HHAT: variants seen among roughly 807,000 people sequenced by gnomAD.
The protein encoded by HHAT is hedgehog acyltransferase.
Under a neutral mutation model 70.8 loss-of-function variants are expected in HHAT, and 47 were observed. The ratio of observed to expected loss-of-function variants is 0.66; its 90% CI spans 0.53 to 0.85. The LOEUF (loss-of-function observed/expected upper bound fraction) is 0.85. Ranked by LOEUF, HHAT falls within the 40% of genes least tolerant of loss-of-function variation. The pLI is 0.00. For synonymous variants in HHAT, 228 were observed against 247.6 expected (o/e 0.92, Z 0.74); for missense variants, 609 against 604.8 (o/e 1.01, Z -0.07).
chr1:210,558,485 T>C (rs979327206), intron 9 of HHAT, among the ~76,000 whole-genome samples: 2 of 152,176 alleles, frequency 1.3e-5, no homozygotes, highest in Non-Finnish European at 2.9e-5. Flanking sequence ...TTGGGTCTTA[T>C]CTGTTTGTGT....
At chr1:210,656,472 A>G (rs1676443770) in intron 11 of HHAT, among the ~76,000 whole-genome samples, 1 of 152,098 alleles carries the variant, frequency 6.6e-6, no homozygotes, top group South Asian at 2.1e-4. Context: ...AGCAGCAGTG[A>G]TCATGGCTCC....
At chr1:210,406,740 G>T (rs760350236) in intron 6 of HHAT, among the ~76,000 whole-genome samples, 2 of 152,032 alleles carry the variant, frequency 1.3e-5, no homozygotes, top group Non-Finnish European at 2.9e-5. Flanking sequence ...CCTCTAGCAG[G>T]GTCCTGTGTC....
chr1:210,616,749 T>G (rs540118553), intron 10 of HHAT, among the ~76,000 whole-genome samples: 1 of 152,240 alleles, frequency 6.6e-6, no homozygotes, highest in African/African-American at 2.4e-5. Flanking sequence ...TGTGAATTCT[T>G]GCACTGCACT....
intron 10 of HHAT, among the ~76,000 whole-genome samples, chr1:210,598,879 T>G (rs192546492): frequency 6.6e-6 from 1 of 152,370 alleles, no homozygotes; most frequent in African/African-American, 2.4e-5. Context: ...GAATGATTGG[T>G]GAAGGCTTCT....
intron 4 of HHAT, among the ~76,000 whole-genome samples, chr1:210,391,901 AT>A (rs2148161641): frequency 6.6e-6 from 1 of 151,880 alleles, no homozygotes; most frequent in South Asian, 2.1e-4. Context: ...ACAGGATCTC[AT>A]TGTGTTGCCC....
At chr1:210,461,329 T>A (rs147972464) in intron 7 of HHAT, among the ~76,000 whole-genome samples, 1 of 151,776 alleles carries the variant, frequency 6.6e-6, no homozygotes, top group East Asian at 2.0e-4. Context: ...AGACAGAGTC[T>A]CACCCTGTCA....
chr1:210,444,793 C>T (rs961801560), intron 7 of HHAT, among the ~76,000 whole-genome samples: 11 of 152,110 alleles, frequency 7.2e-5, no homozygotes, highest in South Asian at 2.1e-4. Context: ...AGTTTACAGA[C>T]GTGAACCACC....
chr1:210,584,708 C>G (rs1171025798), intron 9 of HHAT, among the ~76,000 whole-genome samples: 1 of 152,202 alleles, frequency 6.6e-6, no homozygotes, highest in Admixed American at 6.5e-5. Flanking sequence ...GAGCCTTCGC[C>G]CTTCAGCCTC....
At chr1:210,669,950 C>T (rs1219137136) in intron 11 of HHAT, among the ~76,000 whole-genome samples, 2 of 151,732 alleles carry the variant, frequency 1.3e-5, no homozygotes, top group East Asian at 3.9e-4. Flanking sequence ...TTGGGAGTCT[C>T]ACTCCTGGTG....
rs57677155 is a variant in HHAT at position 210,585,649 on chromosome 1, C to T, written c.1044-2249C>T. Among the ~76,000 whole-genome samples the T allele has an allele frequency of 1.3e-3, 197 of 152,186 alleles. 1 individual carries two copies. Among genetic ancestry groups the T allele is most frequent in the African/African-American group, 3.9e-3 (162 of 41,520 alleles). ...AGCCAGGCTGGTCTCGAACTCCTGACCTCAGGTGATCCACCCGCCTCAGCC... is the reference window on the plus strand; with the variant it reads ...AGCCAGGCTGGTCTCGAACTCCTGATCTCAGGTGATCCACCCGCCTCAGCC... On this transcript the variant is annotated intron_variant, in intron 9 of 11. Transcript: ENST00000261458.
At chr1:210,333,905 C>A (rs1360560048) in intron 1 of HHAT, among the ~76,000 whole-genome samples, 1 of 152,076 alleles carries the variant, frequency 6.6e-6, no homozygotes, top group Admixed American at 6.5e-5. Flanking sequence ...GATCTGCCCA[C>A]CTTGGCCTCC....
At chr1:210,535,507 A>G (rs982101342) in intron 9 of HHAT, among the ~76,000 whole-genome samples, 10 of 151,954 alleles carry the variant, frequency 6.6e-5, no homozygotes, top group African/African-American at 2.2e-4. Context: ...TTCTCTGGAC[A>G]TTGGCTAGAA....
At chr1:210,327,600 G>T (rs988942190), upstream of HHAT, among the ~76,000 whole-genome samples, 1 of 152,056 alleles carries the variant, frequency 6.6e-6, no homozygotes, top group African/African-American at 2.4e-5. Flanking sequence ...CTGCCGCCCG[G>T]GTTCAAGCGA....
chr1:210,519,312 T>C (rs1324959919), intron 9 of HHAT, among the ~76,000 whole-genome samples: 2 of 152,190 alleles, frequency 1.3e-5, no homozygotes, highest in Non-Finnish European at 2.9e-5. Context: ...GCAGTAAACA[T>C]GGGAGTGCAG....
chr1:210,525,982 G>T (rs1013883769), intron 9 of HHAT, among the ~76,000 whole-genome samples: 1 of 152,160 alleles, frequency 6.6e-6, no homozygotes, highest in East Asian at 1.9e-4. Context: ...TGCCTTATGC[G>T]GTTGCTGCAT....
At chr1:210,411,467 G>A (rs1188904923) in intron 6 of HHAT, among the ~76,000 whole-genome samples, 1 of 152,148 alleles carries the variant, frequency 6.6e-6, no homozygotes. Flanking sequence ...CCAAGAGTTT[G>A]AGCAGGTTGG....
At chr1:210,327,576 G>A (rs551609951), upstream of HHAT, among the ~76,000 whole-genome samples, 432 of 152,260 alleles carry the variant, frequency 2.8e-3, 3 homozygotes, top group African/African-American at 0.01. Context: ...TGCGATCTGA[G>A]CTCACTGCAA....
chr1:210,563,133 A>G (rs2095639483), intron 9 of HHAT, among the ~76,000 whole-genome samples: 1 of 152,030 alleles, frequency 6.6e-6, no homozygotes, highest in Non-Finnish European at 1.5e-5. Flanking sequence ...CTTGGTTTTA[A>G]TGCTTCTGGG....
At chr1:210,462,067 G>A (rs1257201411) in intron 7 of HHAT, among the ~76,000 whole-genome samples, 1 of 152,206 alleles carries the variant, frequency 6.6e-6, no homozygotes, top group Non-Finnish European at 1.5e-5. Flanking sequence ...TCATAAAAAT[G>A]TAGACTCAGC....
Sources: gnomAD v4.1 joint callset for allele counts (sites outside exome capture counted in the v4.1 genomes callset) on GRCh38, gnomAD v4.1.1 for gene constraint, MANE v1.5 for transcripts, NCBI Gene and HGNC (gene_info 2026-07-23, HGNC 2026-07-21) for gene names.